Variants in CD79A observed in about 807,000 individuals in gnomAD.
CD79A encodes the protein CD79a molecule, also known as B-cell antigen receptor complex-associated protein alpha chain.
Under a neutral mutation model 27.4 loss-of-function variants are expected in CD79A, and 16 were observed. That is an observed-to-expected ratio of 0.58 (90% CI 0.40 to 0.89). The LOEUF (loss-of-function observed/expected upper bound fraction) is 0.89. Ranked by LOEUF, CD79A falls within the 40% of genes least tolerant of loss-of-function variation. CD79A has a pLI of 0.00. For synonymous variants in CD79A, 110 were observed against 132.7 expected (o/e 0.83, Z 1.18); for missense variants, 237 against 299.7 (o/e 0.79, Z 1.55).
chr19:41,877,879 A>T lies in CD79A; in HGVS notation c.79+496A>T, dbSNP rs1321490625. Among the ~76,000 whole-genome samples, 3 of 152,148 alleles carry T rather than the reference A, an allele frequency of 2.0e-5. No homozygotes were observed. Among genetic ancestry groups the T allele is most frequent in the African/African-American group, 4.8e-5 (2 of 41,418 alleles). ...AGGACAGCTGGCAGGGGCTGTGGCC[A>T]CGCTAACCCAGGAGTTCAGAGAAAA... On this transcript the variant is annotated intron_variant, in intron 1 of 4. Transcript: ENST00000221972. This position sits in a 1 kb window ranked among gnomAD's most constrained non-coding sequence, Gnocchi z 4.1.
chr19:41,880,545 C>A, intron 3 of CD79A, 125 bp from the exon 4 acceptor site: 1 of 727,662 alleles, frequency 1.4e-6, no homozygotes, highest in Non-Finnish European at 2.5e-6. Context: ...TGTTACATAA[C>A]CAGTATGTGG....
chr19:41,878,969 A>T lies in CD79A; in HGVS notation c.80-21A>T. 2.9e-6 allele frequency: 2 copies of T among 696,612 alleles called. No individual in the cohort carries two copies. The highest frequency in any genetic ancestry group is 4.9e-6 in the Non-Finnish European group (2 of 406,238). The allele number at this position is 696,612 out of a possible 1,614,324, so 43.2% of individuals were successfully genotyped here. On this transcript the variant is annotated intron_variant, in intron 1 of 4. Transcript: ENST00000221972. This position sits in a 1 kb window ranked among gnomAD's most constrained non-coding sequence, Gnocchi z 4.3. The stretch of plus-strand genomic sequence containing the variant: ...TGTCACCATCCCCAGTCCCTGACCC[A>T]CCCACCCTGTCTCTCCACAGGCCCT...
In CD79A at chr19:41,880,650, C is replaced by A; in HGVS notation, c.499-20C>A. The A allele has an allele frequency of 4.3e-5, 28 of 650,810 alleles. 1 individual carries two copies. Among genetic ancestry groups the A allele is most frequent in the Non-Finnish European group, 7.1e-5 (25 of 351,334 alleles). 40.3% of individuals were successfully genotyped at this position (650,810 alleles called of 1,614,324 possible). On this transcript the variant is annotated intron_variant, in intron 3 of 4. Transcript: ENST00000221972. ...ACCTCCCCCTGCTCACTGAGGCACC[C>A]ACCCCACCCACCCCTACAGAAACGA... is the stretch of plus-strand genomic sequence containing the variant.
At chr19:41,880,600 A>C in intron 3 of CD79A, 70 bp from the exon 4 acceptor site, 1 of 1,178,078 alleles carries the variant, frequency 8.5e-7, no homozygotes, top group South Asian at 1.3e-5. Flanking sequence ...ACTTCCTGGC[A>C]TCCAGGAGGG....
chr19:41,879,726 C>G lies in CD79A; in HGVS notation c.498+73C>G. Reference sequence around the variant, plus strand: ...AGGGACCCCCAATACCCAGGTAGCCCTCTAGAGCCTGAGGTTCCCCATCCA... The same window carrying G: ...AGGGACCCCCAATACCCAGGTAGCCGTCTAGAGCCTGAGGTTCCCCATCCA... On this transcript the variant is annotated intron_variant, in intron 3 of 4. Coordinates refer to ENST00000221972, the MANE Select transcript of CD79A (RefSeq NM_001783.4). This position sits in a 1 kb window ranked among gnomAD's most constrained non-coding sequence, Gnocchi z 5.1. The G allele has an allele frequency of 1.0e-6, 1 of 981,302 alleles. No homozygotes were observed. The highest frequency in any genetic ancestry group is 1.6e-6 in the Non-Finnish European group (1 of 622,604). 60.8% of individuals were successfully genotyped at this position (981,302 alleles called of 1,614,324 possible). A position where few individuals can be genotyped will look rare whatever the true frequency, so the allele number is the denominator to read the frequency against.
At position 41,878,315 on chromosome 19, in the gene CD79A, G is replaced by A. The variant is rs558222337; in HGVS notation, c.80-675G>A. ...GGGCAGGCCACAGACTGGCTCCTCAGCCCAGGCAGGGAGAGGCCAGGGAGC... is the reference window on the plus strand; with the variant it reads ...GGGCAGGCCACAGACTGGCTCCTCAACCCAGGCAGGGAGAGGCCAGGGAGC... On this transcript the variant is annotated intron_variant, in intron 1 of 4. Coordinates refer to ENST00000221972, the MANE Select transcript of CD79A (RefSeq NM_001783.4). The surrounding 1 kb of genome is among the most constrained non-coding windows in gnomAD (Gnocchi z 4.3). Among the ~76,000 whole-genome samples the A allele has an allele frequency of 5.2e-4, 79 of 152,330 alleles. No individual in the cohort carries two copies. The Middle Eastern group carries it at 0.031, about 59-fold the overall frequency.
chr19:41,880,646 C>CGGGGGGGGGG, intron 3 of CD79A, 24 bp from the exon 4 acceptor site: 54 of 1,069,088 alleles, frequency 5.1e-5, no homozygotes, highest in Non-Finnish European at 7.1e-5. Flanking sequence ...CTCACTGAGG[C>CGGGGGGGGGG]ACCCACCCCA....
chr19:41,879,047 T>C lies in CD79A; in HGVS notation c.137T>C (p.Leu46Pro), dbSNP rs2074204859. 6 of 1,595,272 alleles carry C rather than the reference T, an allele frequency of 3.8e-6. No homozygotes were observed. The highest frequency in any genetic ancestry group is 5.1e-6 in the Non-Finnish European group (6 of 1,168,598). ...HKVPASLMVS[L>P]GEDAHFQCPH... Reference sequence around the variant, plus strand: ...GTCCCAGCATCATTGATGGTGAGCCTGGGGGAAGACGCCCACTTCCAATGC... The same window carrying C: ...GTCCCAGCATCATTGATGGTGAGCCCGGGGGAAGACGCCCACTTCCAATGC... Residue 46 changes from leucine to proline, a missense_variant, in exon 2 of 5, where the codon CTG (leucine) becomes CCG (proline). Physicochemically the swap from Leu to Pro is moderately conservative, Grantham distance 98. Coordinates refer to ENST00000221972, the MANE Select transcript of CD79A (RefSeq NM_001783.4). This position sits in a 1 kb window ranked among gnomAD's most constrained non-coding sequence, Gnocchi z 5.1.
rs1212604213 is a variant in CD79A, at chr19:41,880,548, G to C, written c.499-122G>C. The C allele has an allele frequency of 5.5e-6, 4 of 733,676 alleles. No individual in the cohort carries two copies. The Admixed American group carries it at 8.0e-5, about 15-fold the overall frequency. 45.4% of individuals were successfully genotyped at this position (733,676 alleles called of 1,614,324 possible). A position where few individuals can be genotyped will look rare whatever the true frequency, so the allele number is the denominator to read the frequency against. On this transcript the variant is annotated intron_variant, in intron 3 of 4. Transcript: ENST00000221972. ...CTCAGAGAGAACTGTTACATAACCA[G>C]TATGTGGCCTTGGGGACATCTCTTA...
rs782417731 is a variant in CD79A at position 41,880,909 on chromosome 19, C to G, written c.610C>G (p.Arg204Gly). The change falls in exon 5 of 5, where the codon CGG becomes GGG. Residue 204 changes from arginine to glycine, a missense_variant. Arg to Gly is a moderately radical substitution (Grantham distance 125). Transcript: ENST00000221972. The part of the protein sequence containing the change: ...DDCSMYEDIS[R>G]GLQGTYQDVG... ...CTGCTCCATGTATGAGGACATCTCC[C>G]GGGGCCTCCAGGGCACCTACCAGGA... 3 of 1,605,888 alleles carry G rather than the reference C, an allele frequency of 1.9e-6. No homozygotes were observed. The highest frequency in any genetic ancestry group is 2.5e-6 in the Non-Finnish European group (3 of 1,176,850).
Position 41,878,926 on chromosome 19 carries a change from G to A in CD79A, c.80-64G>A. On this transcript the variant is annotated intron_variant, in intron 1 of 4. Coordinates refer to ENST00000221972, the MANE Select transcript of CD79A (RefSeq NM_001783.4). This position sits in a 1 kb window ranked among gnomAD's most constrained non-coding sequence, Gnocchi z 4.3. Reference sequence around the variant, plus strand: ...TCCCAGGAGTGCTGGAACTGCAGGGGCCAGGGCTGGGGAAATGTGTCACCA... The same window carrying A: ...TCCCAGGAGTGCTGGAACTGCAGGGACCAGGGCTGGGGAAATGTGTCACCA... The A allele has an allele frequency of 2.2e-6, 3 of 1,369,028 alleles. No individual in the cohort carries two copies. The highest frequency in any genetic ancestry group is 1.4e-5 in the African/African-American group (1 of 70,026). 84.8% of individuals were successfully genotyped at this position (1,369,028 alleles called of 1,614,324 possible).
At position 41,877,989 on chromosome 19, in the gene CD79A, C is replaced by A. The variant is rs184784551; in HGVS notation, c.79+606C>A. On this transcript the variant is annotated intron_variant, in intron 1 of 4. Transcript: ENST00000221972. The surrounding 1 kb of genome is among the most constrained non-coding windows in gnomAD (Gnocchi z 4.1). ...GCCCGTGACGATGAGGGTGCTCGGC[C>A]CCTCTCCCCATCTCTTCCTCCTTCT... Among the ~76,000 whole-genome samples the A allele has an allele frequency of 1.3e-5, 2 of 152,134 alleles. No homozygotes were observed. The highest frequency in any genetic ancestry group is 2.9e-5 in the Non-Finnish European group (2 of 68,018).
chr19:41,880,270 A>G (rs148451352), intron 3 of CD79A, among the ~76,000 whole-genome samples: 14 of 151,960 alleles, frequency 9.2e-5, no homozygotes, highest in African/African-American at 3.4e-4. Flanking sequence ...AGTCCCAGCT[A>G]CTCAGGAGGC....
Position 41,879,444 on chromosome 19 carries a change from G to A in CD79A, c.380-91G>A. ...CTCCTCTGCAGAGTGGGGTCTCTGG[G>A]GGGTCTGGGGCCTTGCAGGAGGTGG... On this transcript the variant is annotated intron_variant, in intron 2 of 4. Transcript: ENST00000221972. This position sits in a 1 kb window ranked among gnomAD's most constrained non-coding sequence, Gnocchi z 5.1. 2.4e-6 allele frequency: 3 copies of A among 1,228,562 alleles called. No individual in the cohort carries two copies. The highest frequency in any genetic ancestry group is 3.5e-6 in the Non-Finnish European group (3 of 862,446). The allele number at this position is 1,228,562 out of a possible 1,614,324, so 76.1% of individuals were successfully genotyped here.
At position 41,879,691 on chromosome 19, in the gene CD79A, G is replaced by A. The variant is rs2074210493; in HGVS notation, c.498+38G>A. ...GGACCTCTGAGTCAGCCGGGCGAGG[G>A]CCTGGGCCGAGGGACCCCCAATACC... On this transcript the variant is annotated intron_variant, in intron 3 of 4. Coordinates refer to ENST00000221972, the MANE Select transcript of CD79A (RefSeq NM_001783.4). The surrounding 1 kb of genome is among the most constrained non-coding windows in gnomAD (Gnocchi z 5.1). 2.8e-6 allele frequency: 4 copies of A among 1,446,440 alleles called. No homozygotes were observed. The highest frequency in any genetic ancestry group is 1.2e-5 in the South Asian group (1 of 86,700). The allele number at this position is 1,446,440 out of a possible 1,614,324, so 89.6% of individuals were successfully genotyped here. A position where few individuals can be genotyped will look rare whatever the true frequency, so the allele number is the denominator to read the frequency against.
Position 41,879,089 on chromosome 19 carries a change from A to G in CD79A, c.179A>G (p.Asn60Ser), listed in dbSNP as rs370313642. ...TTCCAATGCCCGCACAATAGCAGCA[A>G]CAACGCCAACGTCACCTGGTGGCGC... is the stretch of plus-strand genomic sequence containing the variant. Reference protein sequence around the residue: ...AHFQCPHNSSNNANVTWWRVL... With the variant: ...AHFQCPHNSSSNANVTWWRVL... Residue 60 changes from asparagine (N) to serine (S), a missense_variant, in exon 2 of 5, where the codon AAC becomes AGC. Transcript: ENST00000221972. This position sits in a 1 kb window ranked among gnomAD's most constrained non-coding sequence, Gnocchi z 5.1. 1.5e-5 allele frequency: 25 copies of G among 1,613,976 alleles called. No individual in the cohort carries two copies. In the African/African-American group the frequency reaches 2.8e-4, roughly 18 times the overall value.
In CD79A at chr19:41,880,923, C is replaced by T. The variant is rs2123308093; in HGVS notation, c.624C>T (p.Gly208=). 6.2e-7 allele frequency: 1 copy of T among 1,604,144 alleles called. No individual in the cohort carries two copies. Among genetic ancestry groups the T allele is most frequent in the Non-Finnish European group, 8.5e-7 (1 of 1,176,166 alleles). The stretch of plus-strand genomic sequence containing the variant: ...AGGACATCTCCCGGGGCCTCCAGGG[C>T]ACCTACCAGGATGTGGGCAGCCTCA... ...MYEDISRGLQ[G]TYQDVGSLNI... is the part of the protein sequence containing the mutation. Residue 208 remains glycine (G), a synonymous_variant, in exon 5 of 5, where the codon GGC becomes GGT. Transcript: ENST00000221972.
rs1167885319 is a variant in CD79A, at chr19:41,878,821, TC to T, written c.80-163del. Among the ~76,000 whole-genome samples, 1 of 151,474 alleles carries T rather than the reference TC, an allele frequency of 6.6e-6. No individual in the cohort carries two copies. The highest frequency in any genetic ancestry group is 1.5e-5 in the Non-Finnish European group (1 of 67,864). ...CCAGGGGCTTCTTCACTTTCCCGCATCCCCCCTCTCCCCAGGATGTATCAGC... is the reference window on the plus strand; with the variant it reads ...CCAGGGGCTTCTTCACTTTCCCGCATCCCCCTCTCCCCAGGATGTATCAGC... On this transcript the variant is annotated intron_variant, in intron 1 of 4. Transcript: ENST00000221972. The surrounding 1 kb of genome is among the most constrained non-coding windows in gnomAD (Gnocchi z 4.3).
At position 41,881,051 on chromosome 19, in the gene CD79A, G is replaced by A; in HGVS notation, c.*71G>A. The A allele has an allele frequency of 2.2e-6, 2 of 927,076 alleles. No homozygotes were observed. The highest frequency in any genetic ancestry group is 3.4e-6 in the Non-Finnish European group (2 of 589,504). The allele number at this position is 927,076 out of a possible 1,614,324, so 57.4% of individuals were successfully genotyped here. A position where few individuals can be genotyped will look rare whatever the true frequency, so the allele number is the denominator to read the frequency against. On this transcript the variant is annotated 3_prime_UTR_variant, in exon 5 of 5. Coordinates refer to ENST00000221972, the MANE Select transcript of CD79A (RefSeq NM_001783.4). The stretch of plus-strand genomic sequence containing the variant: ...TCCAGTGTCTCAGCTCACTTCCCTG[G>A]GACATTCTCCTTTCAGCCCTTCTGG...
Sources: gnomAD v4.1 joint callset for allele counts (sites outside exome capture counted in the v4.1 genomes callset) on GRCh38, gnomAD v4.1.1 for gene constraint, Gnocchi (gnomAD v3.1) non-coding constraint, MANE v1.5 for transcripts, NCBI Gene and HGNC (gene_info 2026-07-23, HGNC 2026-07-21) for gene names.